Variants in ARMH4 observed in about 807,000 individuals in gnomAD.
ARMH4 encodes armadillo-like helical domain-containing protein 4.
In ARMH4, 49 loss-of-function variants were observed where a neutral mutation model predicts 61.9. The ratio of observed to expected loss-of-function variants is 0.79; its 90% CI spans 0.63 to 1.00. The LOEUF (loss-of-function observed/expected upper bound fraction) is 1.00, where lower values mean the gene tolerates loss of function less well. ARMH4 is among the 50% of genes least tolerant of loss of function. ARMH4 has a pLI of 0.00. For synonymous variants in ARMH4, 368 were observed against 341.5 expected (o/e 1.08, Z -0.85); for missense variants, 934 against 930.0 (o/e 1.00, Z -0.06).
chr14:58,089,973 G>A (rs1885504529), intron 5 of ARMH4, among the ~76,000 whole-genome samples: 1 of 152,228 alleles, frequency 6.6e-6, no homozygotes, highest in East Asian at 1.9e-4. Context: ...CACTTTGTAG[G>A]TGCTCAATGA....
intron 6 of ARMH4, among the ~76,000 whole-genome samples, chr14:58,011,765 GAAAAAAAA>G (rs745515042): frequency 1.0e-5 from 1 of 95,646 alleles, no homozygotes; most frequent in Non-Finnish European, 2.1e-5. Context: ...TCTCATATTA[GAAAAAAAA>G]AAAAAAAAAC....
intron 2 of ARMH4, among the ~76,000 whole-genome samples, chr14:58,134,391 G>C (rs1336116445): frequency 6.6e-6 from 1 of 152,134 alleles, no homozygotes; most frequent in Non-Finnish European, 1.5e-5. Context: ...ATTAAAGACT[G>C]TTTATAATAA....
intron 5 of ARMH4, among the ~76,000 whole-genome samples, chr14:58,024,938 G>GT (rs1882972094): frequency 6.6e-6 from 1 of 152,090 alleles, no homozygotes; most frequent in African/African-American, 2.4e-5. Context: ...TATTACAGTA[G>GT]TAACATTAAA....
chr14:58,105,848 G>A lies in ARMH4; in HGVS notation c.1832-8867C>T, dbSNP rs920414723. Among the ~76,000 whole-genome samples, 5 of 152,246 alleles carry A rather than the reference G, an allele frequency of 3.3e-5. 1 individual carries two copies. In the East Asian group the frequency reaches 9.6e-4, roughly 29 times the overall value. On this transcript the variant is annotated intron_variant, in intron 4 of 7. Coordinates refer to ENST00000267485, the MANE Select transcript of ARMH4 (RefSeq NM_001001872.4). ...AAAACATTGCAATCCAGGAAAGGAA[G>A]ATTCAGAGAGCTCAGCCTGAAAAGT... is the stretch of plus-strand genomic sequence containing the variant.
intron 1 of ARMH4, among the ~76,000 whole-genome samples, chr14:58,142,716 C>T (rs957456760): frequency 2.0e-5 from 3 of 152,068 alleles, no homozygotes. Context: ...AAGTGATCCA[C>T]CTGCCTCAGC....
Position 58,005,096 on chromosome 14 carries a change from C to T in ARMH4, c.2208G>A (p.Lys736=). The part of the protein sequence containing the change: ...LFILGALYSI[K]VMNRRRRNGF... ...CATTTCTCCTTCGGCGATTCATAACCTTAATGCTGTAGAGGGCTCCCAAGA... is the reference window on the plus strand; with the variant it reads ...CATTTCTCCTTCGGCGATTCATAACTTTAATGCTGTAGAGGGCTCCCAAGA... Residue 736 remains lysine, a synonymous_variant, in exon 7 of 8, where the codon AAG becomes AAA. Coordinates refer to ENST00000267485, the MANE Select transcript of ARMH4 (RefSeq NM_001001872.4). 1 of 1,614,036 alleles carries T rather than the reference C, an allele frequency of 6.2e-7. No homozygotes were observed. Among genetic ancestry groups the T allele is most frequent in the East Asian group, 2.2e-5 (1 of 44,888 alleles).
chr14:58,018,342 T>C lies in ARMH4; in HGVS notation c.2090-6192A>G, dbSNP rs375278664. 4.6e-5 allele frequency among the ~76,000 whole-genome samples: 7 copies of C among 151,900 alleles called. No individual in the cohort carries two copies. The East Asian group carries it at 7.7e-4, about 17-fold the overall frequency. On this transcript the variant is annotated intron_variant, in intron 5 of 7. Transcript: ENST00000267485. ...ACCAACAGAGTGAAAAGACAAGCTG[T>C]AGAATGGGAGAAAATATTTGCAAAC... is the stretch of plus-strand genomic sequence containing the variant.
intron 5 of ARMH4, among the ~76,000 whole-genome samples, chr14:58,018,347 T>C (rs540048470): frequency 6.6e-6 from 1 of 151,970 alleles, no homozygotes; most frequent in African/African-American, 2.4e-5. Context: ...AGCTGTAGAA[T>C]GGGAGAAAAT....
rs764764824 is a variant in ARMH4, at chr14:58,096,701, A to C, written c.2089+23T>G. ...TAAAAGGAGGGGAGAAGGGAGGAAAAGGGAAATACACATGACTCTTACCCA... is the reference window on the plus strand; with the variant it reads ...TAAAAGGAGGGGAGAAGGGAGGAAACGGGAAATACACATGACTCTTACCCA... On this transcript the variant is annotated intron_variant, in intron 5 of 7. Transcript: ENST00000267485. 72 of 1,598,944 alleles carry C rather than the reference A, an allele frequency of 4.5e-5. 1 individual carries two copies. The South Asian group carries it at 7.9e-4, about 17-fold the overall frequency.
At chr14:58,070,812 A>G (rs1272050612) in intron 5 of ARMH4, among the ~76,000 whole-genome samples, 2 of 151,956 alleles carry the variant, frequency 1.3e-5, no homozygotes, top group East Asian at 3.9e-4. Context: ...TCTTCATTCT[A>G]TTTTTTTATT....
chr14:58,004,971 G>C (rs575248522), intron 7 of ARMH4, 77 bp downstream of exon 7: 1 of 1,586,298 alleles, frequency 6.3e-7, no homozygotes, highest in African/African-American at 1.3e-5. Flanking sequence ...ATTAAACCCC[G>C]TGTGCTTTAT....
intron 4 of ARMH4, among the ~76,000 whole-genome samples, chr14:58,107,193 C>T (rs1247444122): frequency 3.3e-5 from 5 of 152,128 alleles, no homozygotes; most frequent in African/African-American, 1.2e-4. Flanking sequence ...CAGGCTGTTA[C>T]TAATGCATCA....
intron 5 of ARMH4, among the ~76,000 whole-genome samples, chr14:58,053,275 C>A (rs1884206138): frequency 6.6e-6 from 1 of 152,224 alleles, no homozygotes; most frequent in Admixed American, 6.5e-5. Context: ...GCTATTCTAT[C>A]CTATTTTATG....
intron 2 of ARMH4, among the ~76,000 whole-genome samples, chr14:58,137,727 CTTTTCT>C (rs1887352655): frequency 1.3e-5 from 2 of 152,042 alleles, no homozygotes; most frequent in African/African-American, 4.8e-5. Flanking sequence ...TATGCTTCTG[CTTTTCT>C]TTTTATTTTT....
chr14:58,117,648 G>A lies in ARMH4; in HGVS notation c.1831+13864C>T, dbSNP rs145152899. Reference sequence around the variant, plus strand: ...GCACTCAGTATATGTTTATTGAATGGAAATAAACTCAACAACACCCTATCT... The same window carrying A: ...GCACTCAGTATATGTTTATTGAATGAAAATAAACTCAACAACACCCTATCT... On this transcript the variant is annotated intron_variant, in intron 4 of 7. Transcript: ENST00000267485. Among the ~76,000 whole-genome samples the A allele has an allele frequency of 7.6e-3, 1,163 of 152,138 alleles. 12 individuals are homozygous for A. Among genetic ancestry groups the A allele is most frequent in the African/African-American group, 0.027 (1,108 of 41,492 alleles).
chr14:58,045,160 C>A (rs1198715532), intron 5 of ARMH4, among the ~76,000 whole-genome samples: 2 of 152,188 alleles, frequency 1.3e-5, no homozygotes, highest in Non-Finnish European at 2.9e-5. Flanking sequence ...GACACATGCA[C>A]ATGTATGTTG....
At chr14:58,102,030 G>A (rs1885999202) in intron 4 of ARMH4, among the ~76,000 whole-genome samples, 3 of 152,174 alleles carry the variant, frequency 2.0e-5, no homozygotes, top group Non-Finnish European at 4.4e-5. Flanking sequence ...CTGGGTAGTG[G>A]AAGAGTGGCA....
chr14:58,029,319 C>T (rs998435250), intron 5 of ARMH4, among the ~76,000 whole-genome samples: 4 of 152,062 alleles, frequency 2.6e-5, no homozygotes, highest in African/African-American at 4.8e-5. Flanking sequence ...CCACAACCTC[C>T]GCCCCCCAGG....
intron 5 of ARMH4, among the ~76,000 whole-genome samples, chr14:58,056,329 C>T (rs1049327216): frequency 2.0e-5 from 3 of 152,192 alleles, no homozygotes; most frequent in Admixed American, 1.3e-4. Flanking sequence ...TTCATATTCA[C>T]CAACCAACCA....
Sources: allele counts gnomAD v4.1 joint callset (sites outside exome capture counted in the v4.1 genomes callset), GRCh38; gene constraint gnomAD v4.1.1; transcripts MANE v1.5; gene names NCBI Gene and HGNC (gene_info 2026-07-23, HGNC 2026-07-21).